USH2A: variants seen among roughly 807,000 people sequenced by gnomAD.
USH2A encodes usherin.
In USH2A, 443 loss-of-function variants were observed where a neutral mutation model predicts 538.9. That is an observed-to-expected ratio of 0.82 (90% CI 0.76 to 0.89). USH2A has a LOEUF of 0.89. USH2A is among the 40% of genes least tolerant of loss of function. The pLI is 0.00. For missense variants in USH2A, 6,633 were observed against 6,324.8 expected (o/e 1.05, Z -1.65); for synonymous variants, 2,413 against 2,273.5 (o/e 1.06, Z -1.75).
rs551650124 is a variant in USH2A at position 215,629,464 on chromosome 1, A to G, written c.15298-429T>C. On this transcript the variant is annotated intron_variant, in intron 70 of 71. Transcript: ENST00000307340. ...AGAACACTCCTCCCCCAGAACAGCC[A>G]AAGATAACAATATTATTTCATGGTG... is the stretch of plus-strand genomic sequence containing the variant. Among the ~76,000 whole-genome samples the G allele has an allele frequency of 3.9e-5, 6 of 152,272 alleles. No homozygotes were observed. In the East Asian group the frequency reaches 1.2e-3, roughly 29 times the overall value.
intron 32 of USH2A, among the ~76,000 whole-genome samples, chr1:216,025,992 C>A (rs35443077): frequency 6.6e-6 from 1 of 151,996 alleles, no homozygotes; most frequent in Non-Finnish European, 1.5e-5. Flanking sequence ...ATAGAGAGGG[C>A]AATACAAGAA....
Position 216,086,768 on chromosome 1 carries a change from G to T in USH2A, c.4938C>A (p.Val1646=). ...AACTTCGCGGGAGCCCTCCCAGAAA[G>T]ACTCCTGTGTTATCTCCAATAACAG... ...GSTVIGDNTG[V]FLGGLPRSYT... is the part of the protein sequence containing the mutation. The change falls in exon 24 of 72, where the codon GTC becomes GTA. Residue 1646 remains valine, a synonymous_variant. Transcript: ENST00000307340. The T allele has an allele frequency of 6.2e-7, 1 of 1,613,092 alleles. No individual in the cohort carries two copies. The highest frequency in any genetic ancestry group is 1.1e-5 in the South Asian group (1 of 91,070).
rs142608801 is a variant in USH2A at position 215,806,991 on chromosome 1, C to T, written c.9739+6745G>A. On this transcript the variant is annotated intron_variant, in intron 49 of 71. Transcript: ENST00000307340. Reference sequence around the variant, plus strand: ...TTAACCATTACCTTACCATGGTAAGCACAACATGGCCTCCCTAAGATGTCC... The same window carrying T: ...TTAACCATTACCTTACCATGGTAAGTACAACATGGCCTCCCTAAGATGTCC... Among the ~76,000 whole-genome samples the T allele has an allele frequency of 2.5e-3, 377 of 152,140 alleles. 1 individual carries two copies. Among genetic ancestry groups the T allele is most frequent in the African/African-American group, 8.6e-3 (358 of 41,532 alleles).
At chr1:216,189,184 C>T (rs2102653949) in intron 20 of USH2A, among the ~76,000 whole-genome samples, 1 of 151,756 alleles carries the variant, frequency 6.6e-6, no homozygotes, top group African/African-American at 2.4e-5. Context: ...CTTAGAATTT[C>T]AGAGTTGTTT....
chr1:215,922,755 G>T (rs1666133906), intron 38 of USH2A, among the ~76,000 whole-genome samples: 1 of 152,018 alleles, frequency 6.6e-6, no homozygotes, highest in South Asian at 2.1e-4. Flanking sequence ...GAAGTTCCTG[G>T]TCTGGGATCA....
intron 44 of USH2A, among the ~76,000 whole-genome samples, chr1:215,853,216 C>T (rs534753974): frequency 1.4e-4 from 22 of 152,220 alleles, no homozygotes; most frequent in Non-Finnish European, 1.5e-4. Context: ...GTAGGCTCAA[C>T]ATCATGTGGA....
intron 64 of USH2A, among the ~76,000 whole-genome samples, chr1:215,670,022 G>A (rs1269232162): frequency 1.3e-5 from 2 of 152,214 alleles, no homozygotes; most frequent in East Asian, 1.9e-4. Context: ...CTGCAAGCAA[G>A]AGGCACTGAT....
At chr1:216,066,227 T>C (rs909379970) in intron 30 of USH2A, among the ~76,000 whole-genome samples, 1 of 152,058 alleles carries the variant, frequency 6.6e-6, no homozygotes, top group Non-Finnish European at 1.5e-5. Flanking sequence ...TCCCAGCACT[T>C]TGGGAGGCCA....
intron 47 of USH2A, among the ~76,000 whole-genome samples, chr1:215,824,799 C>T (rs1663108524): frequency 6.6e-6 from 1 of 152,078 alleles, no homozygotes; most frequent in African/African-American, 2.4e-5. Context: ...TTTTCCAGTG[C>T]AGAAATCAAG....
At chr1:215,836,626 G>T (rs1198550276) in intron 47 of USH2A, among the ~76,000 whole-genome samples, 1 of 115,988 alleles carries the variant, frequency 8.6e-6, no homozygotes, top group Non-Finnish European at 1.8e-5. Context: ...GCGTGATCTC[G>T]GCTCACTCCA....
At chr1:215,944,782 T>C (rs1221614765) in intron 37 of USH2A, among the ~76,000 whole-genome samples, 1 of 152,144 alleles carries the variant, frequency 6.6e-6, no homozygotes. Context: ...AATACTTTTT[T>C]ACAACATTCA....
intron 37 of USH2A, among the ~76,000 whole-genome samples, chr1:215,946,521 C>T (rs77281958): frequency 6.6e-6 from 1 of 152,158 alleles, no homozygotes; most frequent in African/African-American, 2.4e-5. Context: ...ACCAGCCGAG[C>T]AGCTGATTCA....
Position 215,625,014 on chromosome 1 carries a change from A to G in USH2A, c.*767T>C, listed in dbSNP as rs771315909. 1.5e-4 allele frequency: 23 copies of G among 152,322 alleles called. No individual in the cohort carries two copies. The Middle Eastern group carries it at 0.01, about 68-fold the overall frequency. The allele number at this position is 152,322 out of a possible 1,614,324, so 9.4% of individuals were successfully genotyped here. A position where few individuals can be genotyped will look rare whatever the true frequency, so the allele number is the denominator to read the frequency against. On this transcript the variant is annotated 3_prime_UTR_variant, in exon 72 of 72. Transcript: ENST00000307340. Reference sequence around the variant, plus strand: ...ACTATAAAATATATGAAATAAAAACATTGGTTCAAGTAGAGGTGTTCCTAG... The same window carrying G: ...ACTATAAAATATATGAAATAAAAACGTTGGTTCAAGTAGAGGTGTTCCTAG...
At chr1:216,115,432 A>T (rs1381493535) in intron 21 of USH2A, among the ~76,000 whole-genome samples, 1 of 152,222 alleles carries the variant, frequency 6.6e-6, no homozygotes, top group Non-Finnish European at 1.5e-5. Flanking sequence ...GGCGTAAGCC[A>T]TTGTGCTGGG....
At chr1:216,397,251 G>C (rs1243214082) in intron 3 of USH2A, among the ~76,000 whole-genome samples, 2 of 152,186 alleles carry the variant, frequency 1.3e-5, no homozygotes, top group African/African-American at 4.8e-5. Context: ...AAATGCTCGT[G>C]TATAGGTTTC....
chr1:216,178,758 G>A (rs986923721), intron 20 of USH2A, among the ~76,000 whole-genome samples: 14 of 152,094 alleles, frequency 9.2e-5, no homozygotes, highest in African/African-American at 3.4e-4. Context: ...TGTTTAATAC[G>A]GTAACCACTA....
intron 61 of USH2A, among the ~76,000 whole-genome samples, chr1:215,715,160 C>T (rs914810001): frequency 6.6e-6 from 1 of 152,098 alleles, no homozygotes; most frequent in African/African-American, 2.4e-5. Flanking sequence ...CCTAATAGGC[C>T]CCAGTGTGGG....
intron 45 of USH2A, among the ~76,000 whole-genome samples, chr1:215,844,833 C>T (rs1158440610): frequency 6.6e-6 from 1 of 152,086 alleles, no homozygotes; most frequent in Non-Finnish European, 1.5e-5. Flanking sequence ...CTCTATACCT[C>T]CAAGGTGCAG....
At chr1:216,241,593 G>A (rs1243092957) in intron 13 of USH2A, among the ~76,000 whole-genome samples, 1 of 151,098 alleles carries the variant, frequency 6.6e-6, no homozygotes. Context: ...GGAGTGCAAT[G>A]GCGCCATCTC....
Sources: gnomAD v4.1 joint callset for allele counts (sites outside exome capture counted in the v4.1 genomes callset) on GRCh38, gnomAD v4.1.1 for gene constraint, MANE v1.5 for transcripts, NCBI Gene and HGNC (gene_info 2026-07-23, HGNC 2026-07-21) for gene names.